The following LIN28B variants were observed in gnomAD, a reference collection of about 807,000 sequenced individuals.
The protein encoded by LIN28B is lin-28 RNA binding posttranscriptional regulator B, also known as protein lin-28 homolog B.
In LIN28B, 5 loss-of-function variants were observed where a neutral mutation model predicts 21.9. The observed-to-expected ratio is 0.23, with a 90% CI of 0.12 to 0.48. The LOEUF is 0.48. Ranked by LOEUF, LIN28B falls within the 20% of genes least tolerant of loss-of-function variation. The pLI, the probability that LIN28B is intolerant of heterozygous loss-of-function variation, is 0.98. For synonymous variants in LIN28B, 109 were observed against 111.3 expected (o/e 0.98, Z 0.13); for missense variants, 245 against 310.5 (o/e 0.79, Z 1.58).
chr6:104,958,019 C>A, intron 1 of LIN28B, 80 bp from the exon 2 acceptor site: 2 of 1,042,602 alleles, frequency 1.9e-6, no homozygotes, highest in South Asian at 3.2e-5. Flanking sequence ...CAACCCCAGG[C>A]AGGCAATTTT....
intron 2 of LIN28B, among the ~76,000 whole-genome samples, chr6:104,937,419 C>T (rs1778023159): frequency 6.6e-6 from 1 of 152,156 alleles, no homozygotes; most frequent in African/African-American, 2.4e-5. Flanking sequence ...GGACTACAGG[C>T]GCCCGCCACC....
chr6:105,035,304 C>T lies in LIN28B; in HGVS notation c.383+8822C>T, dbSNP rs552549688. Among the ~76,000 whole-genome samples the T allele has an allele frequency of 3.2e-4, 49 of 152,146 alleles. 1 individual carries two copies. In the South Asian group the frequency reaches 1.0e-2, roughly 31 times the overall value. ...TAGAGATGTTTGAAATGTAGATCAA[C>T]AAATACCAATAAATAACTGTTTCAC... On this transcript the variant is annotated intron_variant, in intron 3 of 3. Transcript: ENST00000345080.
At position 105,023,584 on chromosome 6, in the gene LIN28B, T is replaced by TTA. The variant is rs1491118420; in HGVS notation, c.199-2706_199-2705dup. On this transcript the variant is annotated intron_variant, in intron 2 of 3. Coordinates refer to ENST00000345080, the MANE Select transcript of LIN28B (RefSeq NM_001004317.4). The stretch of plus-strand genomic sequence containing the variant: ...ATATATATAATATATATAATATATA[T>TTA]TATATATATTATATATATAAAATAT... Among the ~76,000 whole-genome samples the TTA allele has an allele frequency of 9.8e-4, 25 of 25,436 alleles. 5 individuals are homozygous for TTA. Among genetic ancestry groups the TTA allele is most frequent in the African/African-American group, 2.9e-3 (25 of 8,596 alleles). The allele number at this position is 25,436 out of a possible 152,430, so 16.7% of individuals were successfully genotyped here.
intron 2 of LIN28B, among the ~76,000 whole-genome samples, chr6:105,008,283 A>C (rs1047580199): frequency 6.6e-6 from 1 of 152,206 alleles, no homozygotes; most frequent in Non-Finnish European, 1.5e-5. Flanking sequence ...GAGAGTGACC[A>C]TACAAACTCT....
intron 2 of LIN28B, among the ~76,000 whole-genome samples, chr6:104,999,763 T>G (rs1420071971): frequency 6.6e-6 from 1 of 152,018 alleles, no homozygotes; most frequent in African/African-American, 2.4e-5. Flanking sequence ...TCACTACAAC[T>G]TCTGCCTCCC....
intron 3 of LIN28B, among the ~76,000 whole-genome samples, chr6:105,072,571 A>T (rs566880823): frequency 1.3e-5 from 2 of 152,116 alleles, no homozygotes; most frequent in Non-Finnish European, 2.9e-5. Context: ...TGTATTTATT[A>T]TCTAGGAAAC....
Position 105,078,566 on chromosome 6 carries a change from G to A in LIN28B, c.536G>A (p.Arg179Lys). Reference protein sequence around the residue: ...VAQPPASSQGRQEAESQPCTS... With the variant: ...VAQPPASSQGKQEAESQPCTS... ...CAGCCACCCGCGAGTTCTCAGGGAA[G>A]ACAGGAAGCAGAATCCCAGCCATGC... Residue 179 changes from arginine to lysine, a missense_variant, in exon 4 of 4, where the codon AGA (arginine) becomes AAA (lysine). By Grantham distance (26) the Arg-to-Lys change is conservative. Transcript: ENST00000345080. 1 of 1,614,152 alleles carries A rather than the reference G, an allele frequency of 6.2e-7. No homozygotes were observed. The highest frequency in any genetic ancestry group is 8.5e-7 in the Non-Finnish European group (1 of 1,180,040).
chr6:105,058,070 G>T, intron 3 of LIN28B: 1 of 393,422 alleles, frequency 2.5e-6, no homozygotes, highest in Non-Finnish European at 5.0e-6. Flanking sequence ...TTTGTCTACA[G>T]GAATTTTTTG....
At chr6:104,956,936 G>T, upstream of LIN28B, 1 of 472,026 alleles carries the variant, frequency 2.1e-6, no homozygotes. Flanking sequence ...AGTTTTTCGT[G>T]TTCATTCATA....
intron 3 of LIN28B, among the ~76,000 whole-genome samples, chr6:105,076,442 C>T (rs978204462): frequency 1.3e-5 from 2 of 152,004 alleles, no homozygotes; most frequent in African/African-American, 4.8e-5. Flanking sequence ...TACTAAATAT[C>T]CTATATACAC....
At chr6:104,986,430 C>G (rs1007790054) in intron 2 of LIN28B, among the ~76,000 whole-genome samples, 4 of 151,592 alleles carry the variant, frequency 2.6e-5, no homozygotes, top group Middle Eastern at 3.2e-3. Context: ...AAGACAGCAT[C>G]TGGTAGTTTT....
chr6:104,993,965 C>T (rs1382017549), intron 2 of LIN28B, among the ~76,000 whole-genome samples: 1 of 152,010 alleles, frequency 6.6e-6, no homozygotes. Flanking sequence ...AAATATTTAT[C>T]TCTAAAGGTA....
intron 2 of LIN28B, among the ~76,000 whole-genome samples, chr6:104,969,119 A>G (rs9500003): frequency 0.023 from 3,487 of 152,108 alleles, 148 homozygotes; most frequent in African/African-American, 0.079. Context: ...TTCAATTTTC[A>G]CAAGAAAAAA....
chr6:104,937,951 G>A (rs1222333717), intron 2 of LIN28B, among the ~76,000 whole-genome samples: 1 of 147,994 alleles, frequency 6.8e-6, no homozygotes, highest in Non-Finnish European at 1.5e-5. Flanking sequence ...GGTGGTTCAT[G>A]CCTGTAATCC....
intron 3 of LIN28B, 79 bp from the exon 4 acceptor site, chr6:105,078,333 TTG>T: frequency 8.0e-7 from 1 of 1,252,636 alleles, no homozygotes. Flanking sequence ...CATTGGTAGT[TTG>T]TGTGTTTTCA....
At chr6:105,022,724 G>A (rs968452767) in intron 2 of LIN28B, among the ~76,000 whole-genome samples, 11 of 152,136 alleles carry the variant, frequency 7.2e-5, no homozygotes, top group African/African-American at 2.7e-4. Flanking sequence ...TTCTGGTTCT[G>A]TAACCTACCT....
At chr6:104,986,071 T>C (rs759326784) in intron 2 of LIN28B, among the ~76,000 whole-genome samples, 6 of 152,100 alleles carry the variant, frequency 3.9e-5, no homozygotes, top group Non-Finnish European at 4.4e-5. Context: ...ATTTTCTACT[T>C]GCTGTTCTTG....
At chr6:105,011,934 C>G (rs1349686843) in intron 2 of LIN28B, among the ~76,000 whole-genome samples, 4 of 151,876 alleles carry the variant, frequency 2.6e-5, no homozygotes, top group Non-Finnish European at 5.9e-5. Context: ...CCGAGGCAGG[C>G]AGATCACAAG....
At chr6:104,988,884 C>T (rs1770403360) in intron 2 of LIN28B, among the ~76,000 whole-genome samples, 1 of 151,976 alleles carries the variant, frequency 6.6e-6, no homozygotes, top group East Asian at 1.9e-4. Context: ...CAGCCACTAC[C>T]TAGATTTTCT....
Sources: allele counts gnomAD v4.1 joint callset (sites outside exome capture counted in the v4.1 genomes callset), GRCh38; gene constraint gnomAD v4.1.1; transcripts MANE v1.5; gene names NCBI Gene and HGNC (gene_info 2026-07-23, HGNC 2026-07-21).